The following TIAM1 variants were observed in gnomAD, a reference collection of about 807,000 sequenced individuals.
TIAM1 encodes the protein TIAM Rac1 associated GEF 1, also known as rho guanine nucleotide exchange factor TIAM1.
A neutral mutation model predicts 163.5 loss-of-function variants in TIAM1; 65 were observed. That is an observed-to-expected ratio of 0.40 (90% CI 0.33 to 0.49). TIAM1 has a LOEUF of 0.49. TIAM1 is among the 20% of genes least tolerant of loss of function. The pLI is 0.77. For synonymous variants in TIAM1, 833 were observed against 810.1 expected (o/e 1.03, Z -0.48); for missense variants, 1,789 against 2,044.7 (o/e 0.87, Z 2.41).
Position 31,250,137 on chromosome 21 carries a change from C to T in TIAM1, c.1411+1605G>A, listed in dbSNP as rs531912277. Among the ~76,000 whole-genome samples, 314 of 145,754 alleles carry T rather than the reference C, an allele frequency of 2.2e-3. 2 individuals carry two copies. The highest frequency in any genetic ancestry group is 7.6e-3 in the African/African-American group (293 of 38,776). The stretch of plus-strand genomic sequence containing the variant: ...TTCCAGCCTGGAAGACAGAGTGAGA[C>T]CCTGTCTCAAACAGAAAAAAAAAAA... On this transcript the variant is annotated intron_variant, in intron 5 of 27. Transcript: ENST00000541036.
rs116425620 is a variant in TIAM1, at chr21:31,170,337, C to T, written c.2888-5272G>A. 1.3e-3 allele frequency among the ~76,000 whole-genome samples: 202 copies of T among 152,254 alleles called. 1 individual carries two copies. The highest frequency in any genetic ancestry group is 4.5e-3 in the African/African-American group (187 of 41,548). Reference sequence around the variant, plus strand: ...CATGAATGCATTTCAAACCTATTCCCAAGAAATTGGTGAATATACATTTTC... The same window carrying T: ...CATGAATGCATTTCAAACCTATTCCTAAGAAATTGGTGAATATACATTTTC... On this transcript the variant is annotated intron_variant, in intron 15 of 27. Coordinates refer to ENST00000541036, the MANE Select transcript of TIAM1 (RefSeq NM_001353694.2).
At chr21:31,494,691 G>A (rs1283922636) in intron 1 of TIAM1, among the ~76,000 whole-genome samples, 7 of 152,024 alleles carry the variant, frequency 4.6e-5, no homozygotes, top group Admixed American at 4.6e-4. Context: ...AAAAATACAA[G>A]AATTAGCCGG....
intron 1 of TIAM1, among the ~76,000 whole-genome samples, chr21:31,468,434 G>T (rs1292268741): frequency 6.6e-6 from 1 of 151,002 alleles, no homozygotes; most frequent in Non-Finnish European, 1.5e-5. Flanking sequence ...AGTGAGCGAA[G>T]ATCACACCAC....
At chr21:31,315,902 G>A (rs1229857804) in intron 2 of TIAM1, among the ~76,000 whole-genome samples, 3 of 152,222 alleles carry the variant, frequency 2.0e-5, no homozygotes, top group African/African-American at 4.8e-5. Context: ...ACTTGAACCT[G>A]GGAGGCGGAC....
At chr21:31,389,186 C>T (rs1331101052) in intron 2 of TIAM1, among the ~76,000 whole-genome samples, 1 of 152,068 alleles carries the variant, frequency 6.6e-6, no homozygotes, top group Non-Finnish European at 1.5e-5. Flanking sequence ...TGATGTTTTT[C>T]CCAACCATTT....
chr21:31,293,096 C>A (rs2074095006), intron 2 of TIAM1, among the ~76,000 whole-genome samples: 1 of 151,738 alleles, frequency 6.6e-6, no homozygotes, highest in Non-Finnish European at 1.5e-5. Flanking sequence ...AGTGTTGGGA[C>A]TACAGGTGTG....
chr21:31,345,667 C>G (rs1018135448), upstream of TIAM1, among the ~76,000 whole-genome samples: 1 of 152,004 alleles, frequency 6.6e-6, no homozygotes, highest in Non-Finnish European at 1.5e-5. Context: ...TCTAAAGGAA[C>G]AGAATGGGCA....
At position 31,129,599 on chromosome 21, in the gene TIAM1, T is replaced by C. The variant is rs149148632; in HGVS notation, c.4045+614A>G. Among the ~76,000 whole-genome samples the C allele has an allele frequency of 4.6e-3, 701 of 152,314 alleles. 2 individuals are homozygous for C. The highest frequency in any genetic ancestry group is 0.016 in the African/African-American group (658 of 41,568). ...GAAAAGATAGCTTGAGCCTAGAAAT[T>C]TGAGGCTACAGTGAGCTATGATAGC... On this transcript the variant is annotated intron_variant, in intron 25 of 27. Transcript: ENST00000541036.
intron 2 of TIAM1, among the ~76,000 whole-genome samples, chr21:31,334,487 T>C (rs2075779575): frequency 6.6e-6 from 1 of 152,148 alleles, no homozygotes; most frequent in African/African-American, 2.4e-5. Flanking sequence ...ATTACACATA[T>C]TGATGCTGTT....
chr21:31,225,998 T>C, intron 6 of TIAM1, 48 bp from the exon 7 acceptor site: 2 of 1,538,562 alleles, frequency 1.3e-6, no homozygotes, highest in Non-Finnish European at 1.8e-6. Context: ...TCTTAGGAAC[T>C]TAAGAGAAAT....
At chr21:31,473,752 A>G (rs946457141) in intron 1 of TIAM1, among the ~76,000 whole-genome samples, 3 of 152,172 alleles carry the variant, frequency 2.0e-5, no homozygotes, top group Non-Finnish European at 4.4e-5. Context: ...TCACTAAATC[A>G]GTGGCCTCCA....
At chr21:31,297,746 G>A (rs2074341453) in intron 2 of TIAM1, among the ~76,000 whole-genome samples, 1 of 152,116 alleles carries the variant, frequency 6.6e-6, no homozygotes, top group Non-Finnish European at 1.5e-5. Flanking sequence ...GGCCAATTTT[G>A]TGTTTTACGT....
chr21:31,325,526 GGT>G (rs1292913823), intron 2 of TIAM1, among the ~76,000 whole-genome samples: 1 of 151,954 alleles, frequency 6.6e-6, no homozygotes, highest in Non-Finnish European at 1.5e-5. Flanking sequence ...TAATTAGCCA[GGT>G]GTAGTGGCGC....
intron 12 of TIAM1, among the ~76,000 whole-genome samples, chr21:31,196,470 T>A (rs1322246358): frequency 7.1e-6 from 1 of 140,694 alleles, no homozygotes; most frequent in Non-Finnish European, 1.5e-5. Flanking sequence ...TGCTACCACA[T>A]CTGGCTAATT....
rs60689465 is a variant in TIAM1, at chr21:31,435,436, T to C, written c.-369+28547A>G. Among the ~76,000 whole-genome samples the C allele has an allele frequency of 5.3e-3, 805 of 152,308 alleles. 5 individuals carry two copies. The highest frequency in any genetic ancestry group is 0.018 in the African/African-American group (750 of 41,572). ...ATTTTAATTAATTCCAGGAAATTGA[T>C]GAATCTAATTTTCATATAAAAAGGC... On this transcript the variant is annotated intron_variant, in intron 2 of 28. Coordinates refer to the TIAM1 transcript ENST00000286827.
chr21:31,151,698 T>A (rs1210440888), intron 19 of TIAM1, among the ~76,000 whole-genome samples: 1 of 152,162 alleles, frequency 6.6e-6, no homozygotes, highest in Non-Finnish European at 1.5e-5. Flanking sequence ...AATTCCACAC[T>A]AAGTATATGC....
intron 2 of TIAM1, among the ~76,000 whole-genome samples, chr21:31,290,297 A>C (rs2073968921): frequency 6.6e-6 from 1 of 151,728 alleles, no homozygotes; most frequent in Non-Finnish European, 1.5e-5. Context: ...GGACCTACCA[A>C]AAAAAAATCA....
intron 4 of TIAM1, among the ~76,000 whole-genome samples, chr21:31,261,984 C>G (rs2072501983): frequency 6.6e-6 from 1 of 152,174 alleles, no homozygotes; most frequent in Admixed American, 6.5e-5. Context: ...TGCACAACGG[C>G]TCCACGCCAA....
intron 1 of TIAM1, among the ~76,000 whole-genome samples, chr21:31,480,919 A>C (rs913735731): frequency 9.2e-5 from 14 of 151,904 alleles, no homozygotes; most frequent in African/African-American, 3.4e-4. Flanking sequence ...ACGCCCAACT[A>C]ATTTTTTTGT....
Sources: allele counts gnomAD v4.1 joint callset (sites outside exome capture counted in the v4.1 genomes callset), GRCh38; gene constraint gnomAD v4.1.1; transcripts MANE v1.5; gene names NCBI Gene and HGNC (gene_info 2026-07-23, HGNC 2026-07-21).